HRH3: variants seen among roughly 807,000 people sequenced by gnomAD.
HRH3 encodes the protein histamine receptor H3.
A neutral mutation model predicts 21.6 loss-of-function variants in HRH3; 13 were observed. The observed-to-expected ratio is 0.60, with a 90% CI of 0.39 to 0.96. The LOEUF (loss-of-function observed/expected upper bound fraction) is 0.96, where lower values mean the gene tolerates loss of function less well. Among genes scored for constraint, HRH3 ranks in the 40% least tolerant of loss-of-function variants. The pLI is 0.00. For missense variants in HRH3, 461 were observed against 622.7 expected (o/e 0.74, Z 2.76); for synonymous variants, 276 against 290.3 (o/e 0.95, Z 0.50).
At position 62,215,538 on chromosome 20, in the gene HRH3, G is replaced by A. The variant is rs2145886112; in HGVS notation, c.*468C>T. 2.2e-6 allele frequency: 1 copy of A among 448,986 alleles called. No homozygotes were observed. Among genetic ancestry groups the A allele is most frequent in the Non-Finnish European group, 4.5e-6 (1 of 222,764 alleles). The allele number at this position is 448,986 out of a possible 1,614,324, so 27.8% of individuals were successfully genotyped here. On this transcript the variant is annotated 3_prime_UTR_variant, in exon 3 of 3. Transcript: ENST00000340177. ...AGGCCTGAGGCTTATGCAAGAGACAGAAGGCAGCAAAGGCAGTGTCCTGGG... is the reference window on the plus strand; with the variant it reads ...AGGCCTGAGGCTTATGCAAGAGACAAAAGGCAGCAAAGGCAGTGTCCTGGG...
At position 62,220,102 on chromosome 20, in the gene HRH3, C is replaced by T. The variant is rs1978751821; in HGVS notation, c.-132G>A. 3 of 783,218 alleles carry T rather than the reference C, an allele frequency of 3.8e-6. No homozygotes were observed. The highest frequency in any genetic ancestry group is 4.6e-6 in the Non-Finnish European group (3 of 646,558). The allele number at this position is 783,218 out of a possible 1,614,324, so 48.5% of individuals were successfully genotyped here. On this transcript the variant is annotated 5_prime_UTR_variant, in exon 1 of 3. Coordinates refer to ENST00000340177, the MANE Select transcript of HRH3 (RefSeq NM_007232.3). ...GCCGGGTCGGGTTCCCCTGGGGGCG[C>T]CCAGCGCATGGTCCGCGGGGCCGGG... is the stretch of plus-strand genomic sequence containing the variant.
rs1290553554 is a variant in HRH3 at position 62,219,157 on chromosome 20, C to A, written c.251-500G>T. 1.3e-5 allele frequency among the ~76,000 whole-genome samples: 2 copies of A among 152,200 alleles called. No individual in the cohort carries two copies. Among genetic ancestry groups the A allele is most frequent in the African/African-American group, 2.4e-5 (1 of 41,460 alleles). On this transcript the variant is annotated intron_variant, in intron 1 of 2. Transcript: ENST00000340177. This position sits in a 1 kb window ranked among gnomAD's most constrained non-coding sequence, Gnocchi z 8.7. ...GCCAGCCGCTACTACTACTGCCAAG[C>A]GGGCTTGGAGCGTCTGGGAGACGCA...
intron 2 of HRH3, among the ~76,000 whole-genome samples, chr20:62,217,759 C>T (rs964056307): frequency 3.9e-5 from 6 of 152,184 alleles, no homozygotes; most frequent in Non-Finnish European, 5.9e-5. Flanking sequence ...TCTGCTCGGC[C>T]GCTTTACCCT....
In HRH3 at chr20:62,219,640, C is replaced by T; in HGVS notation, c.250+81G>A. The T allele has an allele frequency of 1.3e-6, 2 of 1,514,092 alleles. No homozygotes were observed. The highest frequency in any genetic ancestry group is 2.5e-5 in the South Asian group (2 of 81,522). The allele number at this position is 1,514,092 out of a possible 1,614,324, so 93.8% of individuals were successfully genotyped here. A position where few individuals can be genotyped will look rare whatever the true frequency, so the allele number is the denominator to read the frequency against. ...TGGGGCGTGTGCCTGCGGGAGCCACCCAGGTCCGTGTTCCAGTCCCCGCTG... is the reference window on the plus strand; with the variant it reads ...TGGGGCGTGTGCCTGCGGGAGCCACTCAGGTCCGTGTTCCAGTCCCCGCTG... On this transcript the variant is annotated intron_variant, in intron 1 of 2. Transcript: ENST00000340177. The surrounding 1 kb of genome is among the most constrained non-coding windows in gnomAD (Gnocchi z 8.7).
At position 62,216,168 on chromosome 20, in the gene HRH3, G is replaced by C; in HGVS notation, c.1176C>G (p.Tyr392Ter). ...AACHGHCVPD[Y>*]WYETSFWLLW... ...GGAGCCAGAAGGAGGTTTCGTACCA[G>C]TAGTCAGGGACGCAGTGGCCATGGC... The change falls in exon 3 of 3, where the codon TAC (tyrosine) becomes TAG (stop). Residue 392 changes from tyrosine to a stop codon, truncating the protein, a stop_gained. Coordinates refer to ENST00000340177, the MANE Select transcript of HRH3 (RefSeq NM_007232.3). LOFTEE classifies it high-confidence loss of function. The C allele has an allele frequency of 6.2e-7, 1 of 1,613,380 alleles. No individual in the cohort carries two copies. Among genetic ancestry groups the C allele is most frequent in the African/African-American group, 1.3e-5 (1 of 75,040 alleles).
In HRH3 at chr20:62,216,804, G is replaced by GC; in HGVS notation, c.539dup (p.Ser181GlnfsTer38). ...AGCAGTGGCCCTCGGGGATGGAGCT[G>GC]CCCCCGGACAGGTACTCCCAGCTCA... On this transcript the variant is annotated frameshift_variant, in exon 3 of 3. Coordinates refer to ENST00000340177, the MANE Select transcript of HRH3 (RefSeq NM_007232.3). LOFTEE classifies it low-confidence loss of function (END_TRUNC). The GC allele has an allele frequency of 6.2e-7, 1 of 1,612,976 alleles. No individual in the cohort carries two copies. Among genetic ancestry groups the GC allele is most frequent in the Non-Finnish European group, 8.5e-7 (1 of 1,179,970 alleles).
At position 62,218,749 on chromosome 20, in the gene HRH3, A is replaced by G. The variant is rs1978685770; in HGVS notation, c.251-92T>C. 1 of 1,272,350 alleles carries G rather than the reference A, an allele frequency of 7.9e-7. No individual in the cohort carries two copies. Among genetic ancestry groups the G allele is most frequent in the African/African-American group, 1.5e-5 (1 of 67,534 alleles). 78.8% of individuals were successfully genotyped at this position (1,272,350 alleles called of 1,614,324 possible). ...AGACACCGGCGGGACCTGGGGTCAC[A>G]TGGTGGCTGCTTTTCTGGAACTAGC... On this transcript the variant is annotated intron_variant, in intron 1 of 2. Transcript: ENST00000340177. The surrounding 1 kb of genome is among the most constrained non-coding windows in gnomAD (Gnocchi z 5.6).
Position 62,216,270 on chromosome 20 carries a change from C to A in HRH3, c.1074G>T (p.Lys358Asn). The A allele has an allele frequency of 1.2e-6, 2 of 1,611,972 alleles. No homozygotes were observed. The highest frequency in any genetic ancestry group is 1.7e-6 in the Non-Finnish European group (2 of 1,179,260). The change falls in exon 3 of 3, where the codon AAG becomes AAT. Residue 358 changes from lysine to asparagine, a missense_variant. Transcript: ENST00000340177. ...AGATGCTCACGATGACGGCCAGCGA[C>A]TTGGCCACTTTCCTGTCCCGAGACA... The part of the protein sequence containing the change: ...FRLSRDRKVA[K>N]SLAVIVSIFG...
chr20:62,218,022 G>A lies in HRH3; in HGVS notation c.417+469C>T, dbSNP rs1334847014. On this transcript the variant is annotated intron_variant, in intron 2 of 2. Coordinates refer to ENST00000340177, the MANE Select transcript of HRH3 (RefSeq NM_007232.3). This position sits in a 1 kb window ranked among gnomAD's most constrained non-coding sequence, Gnocchi z 5.6. ...GCGGCTCCCTGGGCTGCATGGCCCC[G>A]ATGCGGGAGCCTGGGTGGGGCAGGG... is the stretch of plus-strand genomic sequence containing the variant. 6.6e-6 allele frequency among the ~76,000 whole-genome samples: 1 copy of A among 152,208 alleles called. No individual in the cohort carries two copies. Among genetic ancestry groups the A allele is most frequent in the African/African-American group, 2.4e-5 (1 of 41,454 alleles).
rs745936482 is a variant in HRH3, at chr20:62,215,864, G to T, written c.*142C>A. The T allele has an allele frequency of 1.2e-4, 96 of 811,922 alleles. No individual in the cohort carries two copies. Among genetic ancestry groups the T allele is most frequent in the Non-Finnish European group, 1.7e-4 (89 of 532,238 alleles). The allele number at this position is 811,922 out of a possible 1,614,324, so 50.3% of individuals were successfully genotyped here. A position where few individuals can be genotyped will look rare whatever the true frequency, so the allele number is the denominator to read the frequency against. On this transcript the variant is annotated 3_prime_UTR_variant, in exon 3 of 3. Transcript: ENST00000340177. ...CAGGAAGGCGCCTCCATGGCAGGGT[G>T]GCTGCCGTGGCATTAAGAGAGGGCC...
At position 62,219,898 on chromosome 20, in the gene HRH3, C is replaced by A; in HGVS notation, c.73G>T (p.Gly25Trp). Residue 25 changes from glycine to tryptophan, a missense_variant, in exon 1 of 3, where the codon GGG (glycine) becomes TGG (tryptophan). Physicochemically the swap from Gly to Trp is radical, Grantham distance 184. Around this residue, in one of 6 missense-constraint regions of HRH3, gnomAD observed 102 missense variants for 155.6 expected, o/e 0.66. Transcript: ENST00000340177. The surrounding 1 kb of genome is among the most constrained non-coding windows in gnomAD (Gnocchi z 8.7). ...CAGGCTGCCGAGAAGCCGCGCGCCCCGCCCGCCGCCGCCGCCTCGCCCGCC... is the reference window on the plus strand; with the variant it reads ...CAGGCTGCCGAGAAGCCGCGCGCCCAGCCCGCCGCCGCCGCCTCGCCCGCC... ...ALAGEAAAAGGARGFSAAWTA... is the reference protein window; with the variant it reads ...ALAGEAAAAGWARGFSAAWTA... 1 of 1,364,414 alleles carries A rather than the reference C, an allele frequency of 7.3e-7. No individual in the cohort carries two copies. Among genetic ancestry groups the A allele is most frequent in the South Asian group, 1.8e-5 (1 of 55,814 alleles). The allele number at this position is 1,364,414 out of a possible 1,614,324, so 84.5% of individuals were successfully genotyped here.
rs1415522835 is a variant in HRH3, at chr20:62,216,411, C to T, written c.933G>A (p.Ser311=). The change falls in exon 3 of 3, where the codon TCG becomes TCA. Residue 311 remains serine, a synonymous_variant. Coordinates refer to ENST00000340177, the MANE Select transcript of HRH3 (RefSeq NM_007232.3). ...GTGAGCGCGGCCTCTCAGTGCCCCT[C>T]GAGGAGCTGCCGGAGCTGGAGGTGG... The part of the protein sequence containing the change: ...ASPTSSSGSS[S]RGTERPRSLK... 7.1e-6 allele frequency: 11 copies of T among 1,539,216 alleles called. No individual in the cohort carries two copies. Among genetic ancestry groups the T allele is most frequent in the African/African-American group, 2.7e-5 (2 of 73,070 alleles).
intron 2 of HRH3, among the ~76,000 whole-genome samples, chr20:62,217,966 G>A (rs1978647842): frequency 6.6e-6 from 1 of 152,204 alleles, no homozygotes; most frequent in Non-Finnish European, 1.5e-5. Context: ...AGCTGCCAAG[G>A]AGATGAGAAG....
rs1480405735 is a variant in HRH3, at chr20:62,219,688, T to A, written c.250+33A>T. On this transcript the variant is annotated intron_variant, in intron 1 of 2. Transcript: ENST00000340177. This position sits in a 1 kb window ranked among gnomAD's most constrained non-coding sequence, Gnocchi z 8.7. ...CTGGCCCGGCCACGCTGGGCGCCCCTGGGTCCCCAGCGGCCAGGGGCTGGG... is the reference window on the plus strand; with the variant it reads ...CTGGCCCGGCCACGCTGGGCGCCCCAGGGTCCCCAGCGGCCAGGGGCTGGG... 1.3e-6 allele frequency: 2 copies of A among 1,574,976 alleles called. No individual in the cohort carries two copies. The highest frequency in any genetic ancestry group is 3.5e-5 in the Admixed American group (2 of 56,462).
Position 62,219,754 on chromosome 20 carries a change from GGAA to G in HRH3, c.214_216del (p.Phe72del). On this transcript the variant is annotated inframe_deletion, in exon 1 of 3. Coordinates refer to ENST00000340177, the MANE Select transcript of HRH3 (RefSeq NM_007232.3). This position sits in a 1 kb window ranked among gnomAD's most constrained non-coding sequence, Gnocchi z 8.7. ...AAGTCGGAGATGGCGAGGTTGAGCA[GGAA>G]GAAGTTGTTCTGGGTGCGGAGGCTC... 1.9e-6 allele frequency: 3 copies of G among 1,605,080 alleles called. No individual in the cohort carries two copies. The highest frequency in any genetic ancestry group is 2.6e-6 in the Non-Finnish European group (3 of 1,175,874).
At chr20:62,217,486 C>A (rs368147095) in intron 2 of HRH3, among the ~76,000 whole-genome samples, 1 of 152,234 alleles carries the variant, frequency 6.6e-6, no homozygotes, top group Non-Finnish European at 1.5e-5. Context: ...CATCCCAGAT[C>A]GACATCAGGG....
At position 62,216,831 on chromosome 20, in the gene HRH3, G is replaced by A. The variant is rs201562915; in HGVS notation, c.513C>T (p.Ile171=). 28 of 1,612,920 alleles carry A rather than the reference G, an allele frequency of 1.7e-5. No homozygotes were observed. The highest frequency in any genetic ancestry group is 2.4e-5 in the Non-Finnish European group (28 of 1,179,990). ...VLAFLLYGPA[I]LSWEYLSGGS... ...CCCCGGACAGGTACTCCCAGCTCAG[G>A]ATGGCTGGTCCGTACAGCAGGAAGG... The change falls in exon 3 of 3, where the codon ATC becomes ATT. Residue 171 remains isoleucine, a synonymous_variant. Transcript: ENST00000340177.
Position 62,216,805 on chromosome 20 carries a change from C to T in HRH3, c.539G>A (p.Gly180Asp), listed in dbSNP as rs1055693265. Residue 180 changes from glycine to aspartate, a missense_variant, in exon 3 of 3, where the codon GGC (glycine) becomes GAC (aspartate). Coordinates refer to ENST00000340177, the MANE Select transcript of HRH3 (RefSeq NM_007232.3). ...AILSWEYLSG[G>D]SSIPEGHCYA... ...GCAGTGGCCCTCGGGGATGGAGCTGCCCCCGGACAGGTACTCCCAGCTCAG... is the reference window on the plus strand; with the variant it reads ...GCAGTGGCCCTCGGGGATGGAGCTGTCCCCGGACAGGTACTCCCAGCTCAG... The T allele has an allele frequency of 4.3e-6, 7 of 1,612,970 alleles. No individual in the cohort carries two copies. Among genetic ancestry groups the T allele is most frequent in the Non-Finnish European group, 5.1e-6 (6 of 1,179,976 alleles).
At position 62,219,628 on chromosome 20, in the gene HRH3, T is replaced by G; in HGVS notation, c.250+93A>C. On this transcript the variant is annotated intron_variant, in intron 1 of 2. Transcript: ENST00000340177. The surrounding 1 kb of genome is among the most constrained non-coding windows in gnomAD (Gnocchi z 8.7). ...CGGGTCCCCTGGTGGGGCGTGTGCC[T>G]GCGGGAGCCACCCAGGTCCGTGTTC... 1 of 1,468,034 alleles carries G rather than the reference T, an allele frequency of 6.8e-7. No homozygotes were observed. The highest frequency in any genetic ancestry group is 9.1e-7 in the Non-Finnish European group (1 of 1,102,438). 90.9% of individuals were successfully genotyped at this position (1,468,034 alleles called of 1,614,324 possible).
Sources: gnomAD v4.1 joint callset for allele counts (sites outside exome capture counted in the v4.1 genomes callset) on GRCh38, gnomAD v4.1.1 for gene constraint, gnomAD v4.1.1 regional missense constraint, Gnocchi (gnomAD v3.1) non-coding constraint, MANE v1.5 for transcripts, NCBI Gene and HGNC (gene_info 2026-07-23, HGNC 2026-07-21) for gene names.